RBMS3: variants seen among roughly 807,000 people sequenced by gnomAD.
The protein encoded by RBMS3 is RNA binding motif single stranded interacting protein 3.
Under a neutral mutation model 66.8 loss-of-function variants are expected in RBMS3, and 27 were observed. The ratio of observed to expected loss-of-function variants is 0.40; its 90% CI spans 0.30 to 0.56. RBMS3 has a LOEUF of 0.56. Ranked by LOEUF, RBMS3 falls within the 20% of genes least tolerant of loss-of-function variation. The pLI is 0.40. For synonymous variants in RBMS3, 188 were observed against 183.0 expected (o/e 1.03, Z -0.22); for missense variants, 513 against 549.5 (o/e 0.93, Z 0.66).
intron 3 of RBMS3, among the ~76,000 whole-genome samples, chr3:29,552,564 C>T (rs572175163): frequency 6.6e-6 from 1 of 152,132 alleles, no homozygotes; most frequent in Admixed American, 6.5e-5. Flanking sequence ...TAAAATGCAT[C>T]AACCGTCTTC....
At chr3:29,818,834 G>A (rs2057993525) in intron 6 of RBMS3, among the ~76,000 whole-genome samples, 1 of 152,070 alleles carries the variant, frequency 6.6e-6, no homozygotes, top group African/African-American at 2.4e-5. Context: ...AATTAGTTAT[G>A]TTGAACTCAG....
chr3:29,884,021 G>A, intron 7 of RBMS3, 141 bp from the exon 8 acceptor site: 1 of 642,152 alleles, frequency 1.6e-6, no homozygotes, highest in Non-Finnish European at 2.6e-6. Context: ...AGTCTTGGCA[G>A]TAAGCATAGA....
At chr3:29,774,375 G>T (rs764164112) in intron 6 of RBMS3, among the ~76,000 whole-genome samples, 1 of 152,038 alleles carries the variant, frequency 6.6e-6, no homozygotes. Context: ...AGCAATCACC[G>T]GCCGATTATC....
chr3:29,544,477 A>T (rs887486161), intron 3 of RBMS3, among the ~76,000 whole-genome samples: 1 of 152,100 alleles, frequency 6.6e-6, no homozygotes, highest in African/African-American at 2.4e-5. Context: ...AAAAGAAAAG[A>T]TCACTAAGCT....
At chr3:29,473,765 CG>C (rs1239127523) in intron 2 of RBMS3, among the ~76,000 whole-genome samples, 1 of 152,192 alleles carries the variant, frequency 6.6e-6, no homozygotes, top group Non-Finnish European at 1.5e-5. Flanking sequence ...GCTCATTGCC[CG>C]GGGCCGGCAG....
intron 1 of RBMS3, among the ~76,000 whole-genome samples, chr3:29,328,061 A>T (rs974996781): frequency 2.0e-5 from 3 of 152,084 alleles, no homozygotes; most frequent in African/African-American, 4.8e-5. Flanking sequence ...GGTGGCACTT[A>T]CTCTGATTTA....
At chr3:29,858,323 A>G (rs1026871207) in intron 6 of RBMS3, among the ~76,000 whole-genome samples, 1 of 152,194 alleles carries the variant, frequency 6.6e-6, no homozygotes, top group Non-Finnish European at 1.5e-5. Context: ...ATAGTAATCT[A>G]TAAATATAAA....
intron 3 of RBMS3, among the ~76,000 whole-genome samples, chr3:29,493,292 G>T (rs1375681297): frequency 2.0e-4 from 30 of 152,292 alleles, no homozygotes; most frequent in Non-Finnish European, 3.5e-4. Context: ...TGAGAGTCAG[G>T]ATCAGTGTGG....
chr3:29,363,819 G>A (rs1220269516), intron 1 of RBMS3, among the ~76,000 whole-genome samples: 2 of 149,102 alleles, frequency 1.3e-5, no homozygotes, highest in African/African-American at 4.9e-5. Context: ...AAAAAAACCT[G>A]TTTTTTAGCA....
chr3:29,588,662 G>T (rs2047617819), intron 4 of RBMS3, among the ~76,000 whole-genome samples: 1 of 152,008 alleles, frequency 6.6e-6, no homozygotes, highest in Non-Finnish European at 1.5e-5. Flanking sequence ...GCTGTGTAAT[G>T]TATTCTTCAT....
At chr3:29,421,370 G>A (rs935901364) in intron 1 of RBMS3, among the ~76,000 whole-genome samples, 1 of 151,998 alleles carries the variant, frequency 6.6e-6, no homozygotes, top group Non-Finnish European at 1.5e-5. Flanking sequence ...AACAATTTAA[G>A]CCATTGTTTA....
intron 3 of RBMS3, among the ~76,000 whole-genome samples, chr3:29,553,707 C>T (rs2046251290): frequency 6.6e-6 from 1 of 151,128 alleles, no homozygotes; most frequent in Non-Finnish European, 1.5e-5. Flanking sequence ...TATTTGCATT[C>T]ATTATGAATG....
intron 7 of RBMS3, among the ~76,000 whole-genome samples, chr3:29,874,736 A>C (rs535691499): frequency 9.9e-5 from 15 of 152,026 alleles, no homozygotes; most frequent in Non-Finnish European, 1.8e-4. Context: ...GTCTTAAAAT[A>C]AACCTTTTTT....
At chr3:29,821,931 G>A (rs1381764200) in intron 6 of RBMS3, among the ~76,000 whole-genome samples, 4 of 152,092 alleles carry the variant, frequency 2.6e-5, no homozygotes, top group Non-Finnish European at 4.4e-5. Flanking sequence ...GAAGTGACCA[G>A]GAATAAAATA....
At chr3:29,452,387 T>C (rs1257695609) in intron 2 of RBMS3, among the ~76,000 whole-genome samples, 1 of 152,164 alleles carries the variant, frequency 6.6e-6, no homozygotes, top group Non-Finnish European at 1.5e-5. Context: ...TTTGACCTGG[T>C]TCTATTTAAG....
chr3:29,701,871 C>G (rs1340155290), intron 4 of RBMS3, among the ~76,000 whole-genome samples: 2 of 147,098 alleles, frequency 1.4e-5, no homozygotes, highest in Non-Finnish European at 2.9e-5. Flanking sequence ...GCCCCACCCC[C>G]TGCTCCACGG....
chr3:29,881,545 T>G (rs138159288), intron 7 of RBMS3, among the ~76,000 whole-genome samples: 231 of 152,310 alleles, frequency 1.5e-3, no homozygotes, highest in African/African-American at 5.1e-3. Flanking sequence ...CAGGTCTGTC[T>G]TATTTCAAAA....
Position 29,880,741 on chromosome 3 carries a change from G to A in RBMS3, c.745-3421G>A, listed in dbSNP as rs117175157. 25 of 1,524,268 alleles carry A rather than the reference G, an allele frequency of 1.6e-5. No homozygotes were observed. In the East Asian group the frequency reaches 2.4e-4, roughly 15 times the overall value. 94.4% of individuals were successfully genotyped at this position (1,524,268 alleles called of 1,614,324 possible). A position where few individuals can be genotyped will look rare whatever the true frequency, so the allele number is the denominator to read the frequency against. On this transcript the variant is annotated intron_variant, in intron 7 of 14. Coordinates refer to ENST00000383767, the MANE Select transcript of RBMS3 (RefSeq NM_001003793.3). ...TACCCACAATGTTCCAAATGCATAT[G>A]ACCTGACACTATCTCTTGTTGTCTC...
At chr3:29,757,093 C>T (rs2055451319) in intron 5 of RBMS3, among the ~76,000 whole-genome samples, 1 of 152,124 alleles carries the variant, frequency 6.6e-6, no homozygotes, top group African/African-American at 2.4e-5. Flanking sequence ...AGTTCCAACC[C>T]ACTAATCAAG....
Sources: allele counts gnomAD v4.1 joint callset (sites outside exome capture counted in the v4.1 genomes callset), GRCh38; gene constraint gnomAD v4.1.1; transcripts MANE v1.5; gene names NCBI Gene and HGNC (gene_info 2026-07-23, HGNC 2026-07-21).